Variants in ABCA1 observed in about 807,000 individuals in gnomAD.
ABCA1 encodes phospholipid-transporting ATPase ABCA1.
Under a neutral mutation model 262.5 loss-of-function variants are expected in ABCA1, and 133 were observed. That is an observed-to-expected ratio of 0.51 (90% CI 0.44 to 0.59). The LOEUF (loss-of-function observed/expected upper bound fraction) is 0.59. Ranked by LOEUF, ABCA1 falls within the 20% of genes least tolerant of loss-of-function variation. ABCA1 has a pLI of 0.00. For synonymous variants in ABCA1, 1,022 were observed against 1,043.5 expected, an observed-to-expected ratio of 0.98 and a Z score of 0.40; for missense variants, 2,452 against 2,777.5, an observed-to-expected ratio of 0.88 and a Z score of 2.63.
intron 18 of ABCA1, among the ~76,000 whole-genome samples, chr9:104,823,344 G>C: frequency 6.6e-6 from 1 of 152,082 alleles, no homozygotes; most frequent in Non-Finnish European, 1.5e-5. Flanking sequence ...ACAAATGAGC[G>C]CACATAAAGC....
intron 31 of ABCA1, among the ~76,000 whole-genome samples, chr9:104,805,744 A>G (rs1299820114): frequency 6.6e-6 from 1 of 152,252 alleles, no homozygotes; most frequent in Non-Finnish European, 1.5e-5. Context: ...AGGCATGGGC[A>G]CAGTGTGGTC....
chr9:104,895,650 C>T (rs1480890893), intron 2 of ABCA1, among the ~76,000 whole-genome samples: 1 of 152,170 alleles, frequency 6.6e-6, no homozygotes, highest in African/African-American at 2.4e-5. Context: ...TGCATCAAAC[C>T]ACTCTTGAAT....
chr9:104,788,402 C>T, intron 45 of ABCA1, 24 bp downstream of exon 45: 4 of 1,614,058 alleles, frequency 2.5e-6, no homozygotes, highest in Non-Finnish European at 3.4e-6. Context: ...AGGAGACAGG[C>T]TGGCTTTCAG....
intron 42 of ABCA1, 147 bp from the exon 43 acceptor site, chr9:104,792,145 G>C: frequency 1.3e-6 from 1 of 773,596 alleles, no homozygotes; most frequent in Admixed American, 2.0e-5. Context: ...GATGTGCCAA[G>C]AGCCTTGGTC....
At chr9:104,878,968 A>G (rs1380163392) in intron 5 of ABCA1, among the ~76,000 whole-genome samples, 1 of 151,974 alleles carries the variant, frequency 6.6e-6, no homozygotes, top group Non-Finnish European at 1.5e-5. Flanking sequence ...CCTGAGTGGT[A>G]GTGTCTACAG....
At chr9:104,855,630 T>C (rs1449723968) in intron 7 of ABCA1, 1 of 1,446,656 alleles carries the variant, frequency 6.9e-7, no homozygotes, top group Non-Finnish European at 9.1e-7. Context: ...GCTCTTCATA[T>C]GTGTAACCAA....
rs1176498235 is a variant in ABCA1 at position 104,796,061 on chromosome 9, T to C, written c.5374A>G (p.Thr1792Ala). The change falls in exon 39 of 50, where the codon ACC (threonine) becomes GCC (alanine). Residue 1792 changes from threonine to alanine, a missense_variant. Physicochemically the swap from Thr to Ala is moderately conservative, Grantham distance 58. Transcript: ENST00000374736. ...CTCTCTGCATGACTCACATTGTCGG[T>C]GAACAGCTCCAGCACAAAGGTGGCC... ...SVATFVLELF[T>A]DNKLNNINDI... The C allele has an allele frequency of 6.2e-7, 1 of 1,612,580 alleles. No homozygotes were observed. Among genetic ancestry groups the C allele is most frequent in the Non-Finnish European group, 8.5e-7 (1 of 1,179,974 alleles).
At chr9:104,801,090 AG>A (rs1488240464) in intron 34 of ABCA1, among the ~76,000 whole-genome samples, 4 of 146,004 alleles carry the variant, frequency 2.7e-5, no homozygotes, top group African/African-American at 1.0e-4. Flanking sequence ...AGTACTTATC[AG>A]GTCCTACAGA....
At position 104,826,991 on chromosome 9, in the gene ABCA1, A is replaced by G. The variant is rs1832865210; in HGVS notation, c.2294T>C (p.Val765Ala). The change falls in exon 16 of 50, where the codon GTG becomes GCG. Residue 765 changes from valine to alanine, a missense_variant. Val to Ala is a moderately conservative substitution (Grantham distance 64). Around this residue, in one of 4 missense-constraint regions of ABCA1, gnomAD observed 1,032 missense variants for 1,089.7 expected, o/e 0.95. Coordinates refer to ENST00000374736, the MANE Select transcript of ABCA1 (RefSeq NM_005502.4). ...GAAGCCCACGTAGTCCTGCCATGCCACACACAGGACGTAGGGCAGGTACAG... is the reference window on the plus strand; with the variant it reads ...GAAGCCCACGTAGTCCTGCCATGCCGCACACAGGACGTAGGGCAGGTACAG... ...FTLYLPYVLCVAWQDYVGFTL... is the reference protein window; with the variant it reads ...FTLYLPYVLCAAWQDYVGFTL... 9 of 1,614,080 alleles carry G rather than the reference A, an allele frequency of 5.6e-6. No individual in the cohort carries two copies. The highest frequency in any genetic ancestry group is 4.4e-5 in the South Asian group (4 of 91,084).
At chr9:104,819,015 T>G (rs1230636671) in intron 22 of ABCA1, 132 bp from the exon 23 acceptor site, 3 of 836,994 alleles carry the variant, frequency 3.6e-6, no homozygotes, top group Non-Finnish European at 6.0e-6. Context: ...TTTCACCCTG[T>G]ATGGCTATGA....
intron 1 of ABCA1, among the ~76,000 whole-genome samples, chr9:104,918,979 C>A (rs1018504349): frequency 6.6e-6 from 1 of 152,198 alleles, no homozygotes; most frequent in African/African-American, 2.4e-5. Context: ...CAAGGGTGAA[C>A]AGGGATATGA....
chr9:104,905,109 G>C (rs1030334837), intron 1 of ABCA1, among the ~76,000 whole-genome samples: 2 of 152,204 alleles, frequency 1.3e-5, no homozygotes, highest in Admixed American at 6.5e-5. Context: ...TGGTAGCCAT[G>C]AACTCTCCTA....
At chr9:104,812,511 T>G in intron 28 of ABCA1, 63 bp downstream of exon 28, 1 of 1,607,216 alleles carries the variant, frequency 6.2e-7, no homozygotes. Context: ...CTGCCTTCAC[T>G]GGTCACAGAG....
chr9:104,831,832 T>C lies in ABCA1; in HGVS notation c.1510-5A>G. 2 of 1,614,098 alleles carry C rather than the reference T, an allele frequency of 1.2e-6. No homozygotes were observed. Among genetic ancestry groups the C allele is most frequent in the Non-Finnish European group, 1.7e-6 (2 of 1,179,960 alleles). On this transcript the variant is annotated splice_polypyrimidine_tract_variant and splice_region_variant and intron_variant, in intron 12 of 49. Coordinates refer to ENST00000374736, the MANE Select transcript of ABCA1 (RefSeq NM_005502.4). ...TAGCTTGTTCAGGTTGACACACTGA[T>C]AGAAGAACAGCCTTCATGAGAACGT... is the stretch of plus-strand genomic sequence containing the variant.
chr9:104,804,820 G>C, intron 31 of ABCA1, 100 bp from the exon 32 acceptor site: 1 of 1,029,300 alleles, frequency 9.7e-7, no homozygotes, highest in East Asian at 2.4e-5. Context: ...AGTGTGACCG[G>C]AAACCTGACT....
intron 16 of ABCA1, among the ~76,000 whole-genome samples, chr9:104,826,465 C>T (rs1832820060): frequency 6.6e-6 from 1 of 152,214 alleles, no homozygotes; most frequent in South Asian, 2.1e-4. Context: ...GGATGAGGCA[C>T]CTGCTCCTCA....
chr9:104,787,227 A>G (rs1282388534), intron 46 of ABCA1, among the ~76,000 whole-genome samples: 2 of 152,220 alleles, frequency 1.3e-5, no homozygotes, highest in Non-Finnish European at 2.9e-5. Flanking sequence ...ATTTCTCCAA[A>G]TAAATAGGGA....
chr9:104,910,304 G>A (rs1033957786), intron 1 of ABCA1, among the ~76,000 whole-genome samples: 7 of 152,170 alleles, frequency 4.6e-5, no homozygotes, highest in Admixed American at 4.6e-4. Context: ...CTACACCCCT[G>A]CTGCAATCTT....
chr9:104,843,595 T>C (rs1412159646), intron 8 of ABCA1, among the ~76,000 whole-genome samples: 1 of 152,172 alleles, frequency 6.6e-6, no homozygotes, highest in Non-Finnish European at 1.5e-5. Flanking sequence ...TGAGCCTTGG[T>C]GCCATCTGCA....
Sources: gnomAD v4.1 joint callset for allele counts (sites outside exome capture counted in the v4.1 genomes callset) on GRCh38, gnomAD v4.1.1 for gene constraint, gnomAD v4.1.1 regional missense constraint, MANE v1.5 for transcripts, NCBI Gene and HGNC (gene_info 2026-07-23, HGNC 2026-07-21) for gene names.